The following MYO9B variants were observed in gnomAD, a reference collection of about 807,000 sequenced individuals.
The protein encoded by MYO9B is myosin IXB, also known as unconventional myosin-IXb.
A neutral mutation model predicts 229.5 loss-of-function variants in MYO9B; 71 were observed. The ratio of observed to expected loss-of-function variants is 0.31; its 90% CI spans 0.26 to 0.38. MYO9B has a LOEUF of 0.38. Ranked by LOEUF, MYO9B falls within the 10% of genes least tolerant of loss-of-function variation. MYO9B has a pLI of 1.00. For synonymous variants in MYO9B, 1,185 were observed against 1,235.8 expected (o/e 0.96, Z 0.86); for missense variants, 2,255 against 2,920.5 (o/e 0.77, Z 5.25).
At chr19:17,112,924 T>C (rs145718200) in intron 2 of MYO9B, among the ~76,000 whole-genome samples, 460 of 152,224 alleles carry the variant, frequency 3.0e-3, no homozygotes, top group African/African-American at 0.01. Context: ...TCCCCTCTCA[T>C]TGGGGGGCAT....
At chr19:17,136,190 G>A (rs2072267435) in intron 2 of MYO9B, among the ~76,000 whole-genome samples, 1 of 152,168 alleles carries the variant, frequency 6.6e-6, no homozygotes, top group African/African-American at 2.4e-5. Flanking sequence ...AGGTGAGGCT[G>A]GGCTTCGTGC....
rs559495498 is a variant in MYO9B, at chr19:17,172,950, C to A, written c.2127C>A (p.Ala709=). ...CCGGACGCCTGCGGGCCGAGAGGGC[C>A]GAAAAGGCTGCAGGTGGGAGCTGGG... ...REAGRLRAER[A]EKAAGMSSPG... The change falls in exon 13 of 40, where the codon GCC becomes GCA. Residue 709 remains alanine (A), a synonymous_variant. Transcript: ENST00000682292. The surrounding 1 kb of genome is among the most constrained non-coding windows in gnomAD (Gnocchi z 8.2). The A allele has an allele frequency of 6.3e-7, 1 of 1,597,846 alleles. No homozygotes were observed.
chr19:17,110,190 C>T (rs569709934), intron 2 of MYO9B, among the ~76,000 whole-genome samples: 6 of 152,192 alleles, frequency 3.9e-5, no homozygotes, highest in South Asian at 4.1e-4. Context: ...CCCCGCCCCC[C>T]GCGAGGGTTG....
In MYO9B at chr19:17,195,110, G is replaced by C. The variant is rs1337175887; in HGVS notation, c.3683G>C (p.Gly1228Ala). The stretch of plus-strand genomic sequence containing the variant: ...GAGCAACCCCAGGCCATGGCAGTTG[G>C]CAAGGTCTCTGAAGAAACTGAGAAG... ...PTEQPQAMAV[G>A]KVSEETEKTL... Residue 1228 changes from glycine to alanine, a missense_variant, in exon 22 of 40, where the codon GGC becomes GCC. Gly to Ala is a moderately conservative substitution (Grantham distance 60). Transcript: ENST00000682292. The surrounding 1 kb of genome is among the most constrained non-coding windows in gnomAD (Gnocchi z 4.5). The C allele has an allele frequency of 5.6e-6, 9 of 1,612,630 alleles. No individual in the cohort carries two copies. Among genetic ancestry groups the C allele is most frequent in the Non-Finnish European group, 7.6e-6 (9 of 1,179,770 alleles).
chr19:17,187,952 C>T lies in MYO9B; in HGVS notation c.2595C>T (p.Asp865=), dbSNP rs371481926. The part of the protein sequence containing the change: ...SNAEKKELCF[D]DELVLQQLRY... ...CATTTCAGAAAGAGCTGTGCTTTGACGACGAGCTGGTCCTGCAGCAGCTGC... is the reference window on the plus strand; with the variant it reads ...CATTTCAGAAAGAGCTGTGCTTTGATGACGAGCTGGTCCTGCAGCAGCTGC... The change falls in exon 19 of 40, where the codon GAC becomes GAT. Residue 865 remains aspartate, a synonymous_variant. Coordinates refer to ENST00000682292, the MANE Select transcript of MYO9B (RefSeq NM_004145.4). The T allele has an allele frequency of 1.0e-5, 16 of 1,590,696 alleles. No homozygotes were observed. Among genetic ancestry groups the T allele is most frequent in the South Asian group, 2.3e-5 (2 of 87,262 alleles).
rs781745671 is a variant in MYO9B at position 17,132,532 on chromosome 19, T to A, written c.841-12865T>A. 4.9e-3 allele frequency among the ~76,000 whole-genome samples: 458 copies of A among 93,336 alleles called. 4 individuals are homozygous for A. Among genetic ancestry groups the A allele is most frequent in the African/African-American group, 0.02 (408 of 20,698 alleles). 61.2% of individuals were successfully genotyped at this position (93,336 alleles called of 152,430 possible). A position where few individuals can be genotyped will look rare whatever the true frequency, so the allele number is the denominator to read the frequency against. The stretch of plus-strand genomic sequence containing the variant: ...TATTTATTTATTATTATTATTTTTT[T>A]TTTTTTTTTTTTTTGAGACAGAGTC... On this transcript the variant is annotated intron_variant, in intron 2 of 39. Coordinates refer to ENST00000682292, the MANE Select transcript of MYO9B (RefSeq NM_004145.4).
At chr19:17,095,751 A>G (rs947736329) in intron 1 of MYO9B, 2 of 152,014 alleles carry the variant, frequency 1.3e-5, no homozygotes, top group African/African-American at 2.4e-5. Flanking sequence ...TAGTTATGTA[A>G]TCTCTTTTGT....
intron 30 of MYO9B, 60 bp from the exon 31 acceptor site, chr19:17,205,191 AGCTGGGTGGGTG>A: frequency 8.1e-7 from 1 of 1,241,004 alleles, no homozygotes; most frequent in Non-Finnish European, 1.2e-6. Flanking sequence ...GCCCCCGGCC[AGCTGGGTGGGTG>A]GCTGCAGGAA....
intron 35 of MYO9B, 166 bp downstream of exon 35, chr19:17,207,410 A>T (rs2073175028): frequency 1.1e-6 from 1 of 921,140 alleles, no homozygotes; most frequent in African/African-American, 1.7e-5. Flanking sequence ...AGGCAAGAGG[A>T]TCACTTGAGG....
At chr19:17,083,786 G>A (rs1020367146) in intron 1 of MYO9B, among the ~76,000 whole-genome samples, 6 of 151,828 alleles carry the variant, frequency 4.0e-5, no homozygotes, top group African/African-American at 1.5e-4. Context: ...AAGTAGGTGG[G>A]GTTACAGGCA....
chr19:17,197,273 G>A (rs1201412308), intron 22 of MYO9B, among the ~76,000 whole-genome samples: 6 of 103,842 alleles, frequency 5.8e-5, no homozygotes, highest in South Asian at 3.3e-4. Context: ...GCAAAACTCC[G>A]TCTAAAAAAA....
intron 2 of MYO9B, among the ~76,000 whole-genome samples, chr19:17,124,603 C>T (rs2145141054): frequency 6.6e-6 from 1 of 151,888 alleles, no homozygotes; most frequent in South Asian, 2.1e-4. Context: ...AAAACCCCGT[C>T]TCTACTAAAA....
Position 17,184,861 on chromosome 19 carries a change from C to G in MYO9B, c.2374-4C>G, listed in dbSNP as rs1262039210. On this transcript the variant is annotated splice_polypyrimidine_tract_variant and splice_region_variant and intron_variant, in intron 16 of 39. Coordinates refer to ENST00000682292, the MANE Select transcript of MYO9B (RefSeq NM_004145.4). ...GCAGGCCGGACCCCATGTGTCTGTC[C>G]TAGAACCTACTGGACTCCAAGTCCC... is the stretch of plus-strand genomic sequence containing the variant. 1.9e-6 allele frequency: 3 copies of G among 1,613,716 alleles called. No individual in the cohort carries two copies. Among genetic ancestry groups the G allele is most frequent in the Admixed American group, 1.7e-5 (1 of 60,000 alleles).
chr19:17,115,537 C>T (rs2057894262), intron 2 of MYO9B, among the ~76,000 whole-genome samples: 1 of 148,562 alleles, frequency 6.7e-6, no homozygotes, highest in Non-Finnish European at 1.5e-5. Flanking sequence ...GGTGCGATCT[C>T]AGTTCACTGC....
chr19:17,116,873 C>T (rs2057909550), intron 2 of MYO9B, among the ~76,000 whole-genome samples: 1 of 152,144 alleles, frequency 6.6e-6, no homozygotes, highest in Non-Finnish European at 1.5e-5. Flanking sequence ...CCAGGTACTC[C>T]CTCGGCTTCA....
chr19:17,121,517 G>A (rs1330062885), intron 2 of MYO9B, among the ~76,000 whole-genome samples: 1 of 151,772 alleles, frequency 6.6e-6, no homozygotes, highest in East Asian at 1.9e-4. Context: ...TCTGGAGAGT[G>A]GGTCCAAGGG....
chr19:17,185,726 AG>A (rs2072912410), intron 17 of MYO9B, among the ~76,000 whole-genome samples, 194 bp from the exon 18 acceptor site: 1 of 151,878 alleles, frequency 6.6e-6, no homozygotes, highest in Non-Finnish European at 1.5e-5. Context: ...AACTCCCTCG[AG>A]GGTTTCCAGG....
chr19:17,163,588 GA>G (rs1432562365), intron 10 of MYO9B, among the ~76,000 whole-genome samples: 2 of 151,800 alleles, frequency 1.3e-5, no homozygotes, highest in Non-Finnish European at 2.9e-5. Context: ...GGCTAGTCTC[GA>G]ACTCCTGAGC....
chr19:17,095,267 AT>A (rs2123498191), intron 1 of MYO9B, among the ~76,000 whole-genome samples: 1 of 152,288 alleles, frequency 6.6e-6, no homozygotes, highest in South Asian at 2.1e-4. Context: ...TAGTCAGTGC[AT>A]TCACCGTGTT....
Sources: gnomAD v4.1 joint callset for allele counts (sites outside exome capture counted in the v4.1 genomes callset) on GRCh38, gnomAD v4.1.1 for gene constraint, Gnocchi (gnomAD v3.1) non-coding constraint, MANE v1.5 for transcripts, NCBI Gene and HGNC (gene_info 2026-07-23, HGNC 2026-07-21) for gene names.